The following RASGEF1C variants were observed in gnomAD, a reference collection of about 807,000 sequenced individuals.
RASGEF1C encodes ras-GEF domain-containing family member 1C.
A neutral mutation model predicts 58.1 loss-of-function variants in RASGEF1C; 27 were observed. The ratio of observed to expected loss-of-function variants is 0.46; its 90% CI spans 0.34 to 0.64. RASGEF1C has a LOEUF of 0.64. Ranked by LOEUF, RASGEF1C falls within the 30% of genes least tolerant of loss-of-function variation. The pLI, the probability that RASGEF1C is intolerant of heterozygous loss-of-function variation, is 0.01. For missense variants in RASGEF1C, 502 were observed against 605.1 expected, an observed-to-expected ratio of 0.83 and a Z score of 1.79; for synonymous variants, 243 against 246.3, an observed-to-expected ratio of 0.99 and a Z score of 0.13.
intron 1 of RASGEF1C, among the ~76,000 whole-genome samples, chr5:180,193,125 G>A (rs1317573358): frequency 3.4e-5 from 5 of 145,014 alleles, no homozygotes; most frequent in East Asian, 4.2e-4. Flanking sequence ...GCGCGATCTC[G>A]GCTCACTGCA....
At chr5:180,141,128 G>A (rs776090021) in intron 1 of RASGEF1C, among the ~76,000 whole-genome samples, 14 of 152,316 alleles carry the variant, frequency 9.2e-5, no homozygotes, top group Non-Finnish European at 1.8e-4. Context: ...TTTTCTGTCT[G>A]TATTACACAA....
intron 1 of RASGEF1C, among the ~76,000 whole-genome samples, chr5:180,153,103 G>A (rs2113294067): frequency 6.6e-6 from 1 of 152,090 alleles, no homozygotes; most frequent in South Asian, 2.1e-4. Flanking sequence ...CTCCCAAATG[G>A]GGAAAATGGG....
At chr5:180,152,602 T>G (rs1240473408) in intron 1 of RASGEF1C, among the ~76,000 whole-genome samples, 1 of 146,618 alleles carries the variant, frequency 6.8e-6, no homozygotes, top group African/African-American at 2.5e-5. Context: ...TTAGGAGATA[T>G]ACCTAACGTT....
intron 1 of RASGEF1C, among the ~76,000 whole-genome samples, chr5:180,189,068 C>T (rs1356258365): frequency 6.6e-6 from 1 of 152,180 alleles, no homozygotes; most frequent in African/African-American, 2.4e-5. Flanking sequence ...GTACCAAGAG[C>T]ACTATAATCA....
intron 6 of RASGEF1C, among the ~76,000 whole-genome samples, chr5:180,126,297 T>C (rs529905218): frequency 4.5e-4 from 68 of 151,856 alleles, no homozygotes; most frequent in African/African-American, 1.5e-3. Context: ...GTCCCAGCTA[T>C]TGGGGAGGCT....
At chr5:180,102,375 GT>G (rs1172789617) in intron 12 of RASGEF1C, among the ~76,000 whole-genome samples, 1 of 152,138 alleles carries the variant, frequency 6.6e-6, no homozygotes, top group East Asian at 1.9e-4. Context: ...AAATACATGA[GT>G]CTTTATTTCT....
rs574656873 is a variant in RASGEF1C at position 180,177,604 on chromosome 5, C to T, written c.-7+31424G>A. Among the ~76,000 whole-genome samples, 1 of 152,306 alleles carries T rather than the reference C, an allele frequency of 6.6e-6. No homozygotes were observed. The highest frequency in any genetic ancestry group is 6.5e-5 in the Admixed American group (1 of 15,298). ...GCCCATTTGTCCTTCCTCTCCTGCC[C>T]GTGGTAGGAGGACATGGCCCTGGTG... On this transcript the variant is annotated intron_variant, in intron 1 of 13. Coordinates refer to ENST00000361132, the MANE Select transcript of RASGEF1C (RefSeq NM_175062.4). The surrounding 1 kb of genome is among the most constrained non-coding windows in gnomAD (Gnocchi z 5.0).
intron 12 of RASGEF1C, among the ~76,000 whole-genome samples, chr5:180,103,322 C>T (rs1345592510): frequency 1.3e-5 from 2 of 152,198 alleles, no homozygotes; most frequent in East Asian, 3.9e-4. Context: ...TGTGATCCGC[C>T]CGCCTCGGCC....
chr5:180,181,835 T>C (rs1482582430), intron 1 of RASGEF1C, among the ~76,000 whole-genome samples: 1 of 152,198 alleles, frequency 6.6e-6, no homozygotes, highest in East Asian at 1.9e-4. Flanking sequence ...CAGGATGTCT[T>C]CATGCTATAT....
At chr5:180,173,925 A>C (rs200628973) in intron 1 of RASGEF1C, among the ~76,000 whole-genome samples, 1 of 146,054 alleles carries the variant, frequency 6.8e-6, no homozygotes, top group Non-Finnish European at 1.5e-5. Flanking sequence ...CAACCACCAA[A>C]AAAAAAAAAA....
chr5:180,186,101 G>GAAAAAAAAAAAAA (rs35778456), intron 1 of RASGEF1C, among the ~76,000 whole-genome samples: 6 of 81,142 alleles, frequency 7.4e-5, no homozygotes, highest in African/African-American at 9.6e-5. Context: ...TATCTCCACA[G>GAAAAAAAAAAAAA]AAAAAAAAAA....
At chr5:180,181,466 C>A (rs1767323523) in intron 1 of RASGEF1C, among the ~76,000 whole-genome samples, 1 of 152,110 alleles carries the variant, frequency 6.6e-6, no homozygotes, top group South Asian at 2.1e-4. Context: ...AAGAGGAGGC[C>A]ACACTGGAGT....
At position 180,136,360 on chromosome 5, in the gene RASGEF1C, C is replaced by T; in HGVS notation, c.438+18G>A. On this transcript the variant is annotated intron_variant, in intron 4 of 13. Coordinates refer to ENST00000361132, the MANE Select transcript of RASGEF1C (RefSeq NM_175062.4). ...CGGGAGGGACCCAGGGTGACGCGAC[C>T]CCCGCCCAGCTGCCCACCTCGTCAC... 6.5e-7 allele frequency: 1 copy of T among 1,549,556 alleles called. No homozygotes were observed. The highest frequency in any genetic ancestry group is 8.7e-7 in the Non-Finnish European group (1 of 1,146,562).
chr5:180,163,254 C>CTTTTT (rs1187829324), intron 1 of RASGEF1C, among the ~76,000 whole-genome samples: 3,155 of 70,808 alleles, frequency 0.045, 638 homozygotes, highest in East Asian at 0.15. Flanking sequence ...TTTTTTTTTC[C>CTTTTT]AGCCTATTGC....
At chr5:180,111,668 T>A in intron 11 of RASGEF1C, 88 bp from the exon 12 acceptor site, 1 of 1,461,212 alleles carries the variant, frequency 6.8e-7, no homozygotes, top group Non-Finnish European at 9.5e-7. Flanking sequence ...GCAGAGACCC[T>A]CTCAACACCC....
chr5:180,111,093 C>T (rs1318826878), intron 12 of RASGEF1C, among the ~76,000 whole-genome samples: 1 of 152,150 alleles, frequency 6.6e-6, no homozygotes, highest in Non-Finnish European at 1.5e-5. Context: ...GGATTATAGG[C>T]GTGAGTCACT....
intron 1 of RASGEF1C, among the ~76,000 whole-genome samples, chr5:180,166,941 T>C (rs575218170): frequency 6.6e-6 from 1 of 152,374 alleles, no homozygotes; most frequent in East Asian, 1.9e-4. Flanking sequence ...TGAACCATTC[T>C]TCCCTTATAA....
At position 180,192,406 on chromosome 5, in the gene RASGEF1C, T is replaced by C. The variant is rs544689538; in HGVS notation, c.-7+16622A>G. Among the ~76,000 whole-genome samples the C allele has an allele frequency of 2.6e-5, 4 of 152,208 alleles. No homozygotes were observed. In the South Asian group the frequency reaches 8.3e-4, roughly 32 times the overall value. ...CACTGGGGTGAGGCTCTCAAGAGTG[T>C]TCACATAGGCTGACACATGTTGTGT... On this transcript the variant is annotated intron_variant, in intron 1 of 13. Coordinates refer to ENST00000361132, the MANE Select transcript of RASGEF1C (RefSeq NM_175062.4).
At chr5:180,190,868 C>T (rs1454552460) in intron 1 of RASGEF1C, among the ~76,000 whole-genome samples, 1 of 151,914 alleles carries the variant, frequency 6.6e-6, no homozygotes, top group Non-Finnish European at 1.5e-5. Flanking sequence ...TCAAAGGACA[C>T]CATTGAGAAT....
Sources: gnomAD v4.1 joint callset for allele counts (sites outside exome capture counted in the v4.1 genomes callset) on GRCh38, gnomAD v4.1.1 for gene constraint, Gnocchi (gnomAD v3.1) non-coding constraint, MANE v1.5 for transcripts, NCBI Gene and HGNC (gene_info 2026-07-23, HGNC 2026-07-21) for gene names.